LRIG2: variants seen among roughly 807,000 people sequenced by gnomAD.
LRIG2 encodes leucine rich repeats and immunoglobulin like domains 2, also known as leucine-rich repeats and immunoglobulin-like domains protein 2.
In LRIG2, 93 loss-of-function variants were observed where a neutral mutation model predicts 107.8. The ratio of observed to expected loss-of-function variants is 0.86; its 90% CI spans 0.73 to 1.03. The LOEUF (loss-of-function observed/expected upper bound fraction) is 1.03, where lower values mean the gene tolerates loss of function less well. Among genes scored for constraint, LRIG2 ranks in the 50% least tolerant of loss-of-function variants. LRIG2 has a pLI of 0.00. For synonymous variants in LRIG2, 471 were observed against 470.6 expected (o/e 1.00, Z -0.01); for missense variants, 1,226 against 1,296.0 (o/e 0.95, Z 0.83).
chr1:113,073,448 G>T lies in LRIG2; in HGVS notation c.42G>T (p.Leu14=), dbSNP rs772347513. ...TAGGCGTCCCGGAGGAGCAGTTGCTGGGGTGTCGATCTAGAGTGCTTTCTC... is the reference window on the plus strand; with the variant it reads ...TAGGCGTCCCGGAGGAGCAGTTGCTTGGGTGTCGATCTAGAGTGCTTTCTC... ...APLGVPEEQL[L]GCRSRVLSRL... is the part of the protein sequence containing the mutation. The change falls in exon 1 of 18, where the codon CTG becomes CTT. Residue 14 remains leucine (L), a synonymous_variant. Coordinates refer to ENST00000361127, the MANE Select transcript of LRIG2 (RefSeq NM_014813.3). The T allele has an allele frequency of 6.8e-5, 109 of 1,614,136 alleles. No individual in the cohort carries two copies. In the East Asian group the frequency reaches 2.3e-3, roughly 34 times the overall value.
At chr1:113,081,381 T>C (rs563416530) in intron 1 of LRIG2, among the ~76,000 whole-genome samples, 2 of 152,110 alleles carry the variant, frequency 1.3e-5, no homozygotes, top group Non-Finnish European at 1.5e-5. Context: ...GGTCTGAAAC[T>C]GTATACTGGT....
rs1418102015 is a variant in LRIG2 at position 113,124,030 on chromosome 1, CACAGGTT to C, written c.3133_3139del (p.Leu1045IlefsTer34). On this transcript the variant is annotated frameshift_variant, in exon 18 of 18. Transcript: ENST00000361127. LOFTEE classifies it high-confidence loss of function. ...CTGTTCTGCTTCTTCCATGTCCTGC[CACAGGTT>C]ACAGGATCATGCTTTTGATTTTAGT... 1 of 1,614,026 alleles carries C rather than the reference CACAGGTT, an allele frequency of 6.2e-7. No homozygotes were observed. The highest frequency in any genetic ancestry group is 1.3e-5 in the African/African-American group (1 of 74,974).
rs555728446 is a variant in LRIG2 at position 113,125,259 on chromosome 1, A to G, written c.*1158A>G. ...ACTTAGTGATTGTATACACATAAAC[A>G]CAGTCTTGGTGTAATTAACCGCCTT... On this transcript the variant is annotated 3_prime_UTR_variant, in exon 18 of 18. Transcript: ENST00000361127. 7.9e-5 allele frequency: 12 copies of G among 152,332 alleles called. No homozygotes were observed. The East Asian group carries it at 2.3e-3, about 29-fold the overall frequency. 9.4% of individuals were successfully genotyped at this position (152,332 alleles called of 1,614,324 possible). A position where few individuals can be genotyped will look rare whatever the true frequency, so the allele number is the denominator to read the frequency against.
chr1:113,107,870 T>C (rs1654604682), intron 12 of LRIG2, 113 bp downstream of exon 12: 1 of 889,426 alleles, frequency 1.1e-6, no homozygotes, highest in Admixed American at 3.2e-5. Context: ...CATACAGTTT[T>C]AATTGCCATT....
intron 1 of LRIG2, among the ~76,000 whole-genome samples, chr1:113,082,537 C>T (rs567290352): frequency 2.6e-5 from 4 of 152,254 alleles, no homozygotes; most frequent in African/African-American, 7.2e-5. Context: ...AGCTTTTACT[C>T]GTGGCCAAAG....
At chr1:113,121,258 T>A (rs1655240946) in intron 17 of LRIG2, among the ~76,000 whole-genome samples, 1 of 152,240 alleles carries the variant, frequency 6.6e-6, no homozygotes, top group Non-Finnish European at 1.5e-5. Context: ...GTCCCCTGTC[T>A]CACATGGCCC....
chr1:113,103,981 G>A (rs370724821), intron 11 of LRIG2, among the ~76,000 whole-genome samples: 1 of 152,102 alleles, frequency 6.6e-6, no homozygotes, highest in East Asian at 1.9e-4. Context: ...GTCTCTAATG[G>A]ATCCTACTTC....
Position 113,073,692 on chromosome 1 carries a change from C to T in LRIG2, c.239+47C>T, listed in dbSNP as rs780328044. 1.9e-6 allele frequency: 3 copies of T among 1,553,002 alleles called. No homozygotes were observed. The East Asian group carries it at 6.8e-5, about 35-fold the overall frequency. On this transcript the variant is annotated intron_variant, in intron 1 of 17. Coordinates refer to ENST00000361127, the MANE Select transcript of LRIG2 (RefSeq NM_014813.3). ...AGTGACCAAAAGGAGGGGGAGCCTT[C>T]CCTCTACAGGGGGCAGGCAGGAGGG...
At position 113,073,296 on chromosome 1, in the gene LRIG2, C is replaced by G; in HGVS notation, c.-111C>G. Reference sequence around the variant, plus strand: ...TGCCTTTAGATGGTACAGCCTTCAGCCGGGGCTTCGGGAGACAGTGCAGCC... The same window carrying G: ...TGCCTTTAGATGGTACAGCCTTCAGGCGGGGCTTCGGGAGACAGTGCAGCC... On this transcript the variant is annotated 5_prime_UTR_variant, in exon 1 of 18. Coordinates refer to ENST00000361127, the MANE Select transcript of LRIG2 (RefSeq NM_014813.3). 3 of 891,388 alleles carry G rather than the reference C, an allele frequency of 3.4e-6. No individual in the cohort carries two copies. The highest frequency in any genetic ancestry group is 5.4e-6 in the Non-Finnish European group (3 of 553,064). 55.2% of individuals were successfully genotyped at this position (891,388 alleles called of 1,614,324 possible).
At chr1:113,073,711 A>C (rs1652821917) in intron 1 of LRIG2, 66 bp downstream of exon 1, 3 of 1,446,682 alleles carry the variant, frequency 2.1e-6, no homozygotes, top group Non-Finnish European at 2.9e-6. Context: ...GGGGGCAGGC[A>C]GGAGGGAGAC....
chr1:113,073,750 C>G, intron 1 of LRIG2, 105 bp downstream of exon 1: 1 of 1,088,390 alleles, frequency 9.2e-7, no homozygotes, highest in Non-Finnish European at 1.3e-6. Flanking sequence ...TGGTCGAGAG[C>G]CTAAGCTCTG....
chr1:113,114,964 C>A, intron 15 of LRIG2, 88 bp downstream of exon 15: 2 of 1,146,144 alleles, frequency 1.7e-6, no homozygotes, highest in Non-Finnish European at 2.5e-6. Flanking sequence ...AAACTGAGAG[C>A]TGGTCATAGT....
chr1:113,078,565 A>C (rs547873252), intron 1 of LRIG2, among the ~76,000 whole-genome samples: 3 of 152,044 alleles, frequency 2.0e-5, no homozygotes, highest in Non-Finnish European at 4.4e-5. Flanking sequence ...GATGTCAAGC[A>C]AAAACTTCAT....
In LRIG2 at chr1:113,131,827, TG is replaced by T. The variant is rs1655712243; in HGVS notation, c.*7727del. Reference sequence around the variant, plus strand: ...TTGTGTGTGTGTGTGTGTGTGTGTGTGTGTGTGTGTGTGTGTGAAGATGGAA... The same window carrying T: ...TTGTGTGTGTGTGTGTGTGTGTGTGTTGTGTGTGTGTGTGTGAAGATGGAA... On this transcript the variant is annotated 3_prime_UTR_variant, in exon 18 of 18. Transcript: ENST00000361127. 6.6e-6 allele frequency: 1 copy of T among 151,680 alleles called. No individual in the cohort carries two copies. The highest frequency in any genetic ancestry group is 1.5e-5 in the Non-Finnish European group (1 of 67,958). The allele number at this position is 151,680 out of a possible 1,614,324, so 9.4% of individuals were successfully genotyped here. A position where few individuals can be genotyped will look rare whatever the true frequency, so the allele number is the denominator to read the frequency against.
chr1:113,102,939 T>G (rs4839288), intron 11 of LRIG2, among the ~76,000 whole-genome samples: 1,790 of 152,270 alleles, frequency 0.012, 15 homozygotes, highest in Non-Finnish European at 0.019. Context: ...ATATTTTGAG[T>G]TATTTCTCAT....
chr1:113,081,646 G>T (rs12063286), intron 1 of LRIG2, among the ~76,000 whole-genome samples: 2 of 151,734 alleles, frequency 1.3e-5, no homozygotes, highest in African/African-American at 4.8e-5. Context: ...TCAGCCTCCC[G>T]AGTAGCTGGG....
intron 11 of LRIG2, among the ~76,000 whole-genome samples, chr1:113,106,207 A>T (rs1182239626): frequency 1.5e-5 from 2 of 131,518 alleles, no homozygotes; most frequent in Non-Finnish European, 3.2e-5. Flanking sequence ...CAGCCTGGGC[A>T]ACAGAGCGAG....
chr1:113,096,353 A>T lies in LRIG2; in HGVS notation c.1079A>T (p.Asn360Ile). 1 of 1,613,260 alleles carries T rather than the reference A, an allele frequency of 6.2e-7. No homozygotes were observed. The highest frequency in any genetic ancestry group is 8.5e-7 in the Non-Finnish European group (1 of 1,179,812). ...IADGVFRFLS[N>I]LQTLDLRNNE... ...GATGGTGTATTTAGATTTCTTTCCA[A>T]TCTTCAGACATTGTAAGTATATCCA... Residue 360 changes from asparagine to isoleucine, a missense_variant, in exon 8 of 18, where the codon AAT becomes ATT. Physicochemically the swap from Asn to Ile is moderately radical, Grantham distance 149. This residue lies in a region of LRIG2 where 570 missense variants were observed against 550.2 expected (regional missense o/e 1.04). Coordinates refer to ENST00000361127, the MANE Select transcript of LRIG2 (RefSeq NM_014813.3).
chr1:113,087,095 A>ACCAC (rs1653588393), intron 1 of LRIG2, among the ~76,000 whole-genome samples: 1 of 152,132 alleles, frequency 6.6e-6, no homozygotes, highest in African/African-American at 2.4e-5. Flanking sequence ...GTGAGGTGTG[A>ACCAC]TGTCACCACT....
Sources: allele counts gnomAD v4.1 joint callset (sites outside exome capture counted in the v4.1 genomes callset), GRCh38; gene constraint gnomAD v4.1.1; regional missense constraint gnomAD v4.1.1; transcripts MANE v1.5; gene names NCBI Gene and HGNC (gene_info 2026-07-23, HGNC 2026-07-21).